ETV6: variants seen among roughly 807,000 people sequenced by gnomAD.
ETV6 encodes the protein transcription factor ETV6.
Under a neutral mutation model 51.1 loss-of-function variants are expected in ETV6, and 16 were observed. The observed-to-expected ratio is 0.31, with a 90% CI of 0.21 to 0.48. ETV6 has a LOEUF of 0.48. Ranked by LOEUF, ETV6 falls within the 20% of genes least tolerant of loss-of-function variation. ETV6 has a pLI of 0.99. For synonymous variants in ETV6, 240 were observed against 224.1 expected, an observed-to-expected ratio of 1.07 and a Z score of -0.64; for missense variants, 458 against 594.8, an observed-to-expected ratio of 0.77 and a Z score of 2.39.
intron 1 of ETV6, among the ~76,000 whole-genome samples, chr12:11,675,881 A>T (rs571409896): frequency 9.2e-5 from 14 of 152,086 alleles, no homozygotes; most frequent in African/African-American, 3.4e-4. Context: ...AAAGGAAGGG[A>T]GAGGGAGAAG....
chr12:11,842,395 C>G (rs946190429), intron 3 of ETV6, among the ~76,000 whole-genome samples: 2 of 146,740 alleles, frequency 1.4e-5, no homozygotes, highest in African/African-American at 5.3e-5. Flanking sequence ...CTGTCATGGC[C>G]CTTGACACAG....
intron 2 of ETV6, among the ~76,000 whole-genome samples, chr12:11,834,173 A>G (rs1296278258): frequency 6.6e-6 from 1 of 152,200 alleles, no homozygotes; most frequent in Non-Finnish European, 1.5e-5. Flanking sequence ...CAAGGACGTG[A>G]TAACTGTCCT....
In ETV6 at chr12:11,650,497, A is replaced by AAC. The variant is rs1268944877; in HGVS notation, c.33+338_33+339insCA. Reference sequence around the variant, plus strand: ...TAGTGCGCTTAAAAAAAAAAAAAACAAAAAACAAAAAAAAAAAACCTGCTC... The same window carrying AAC: ...TAGTGCGCTTAAAAAAAAAAAAAACAACAAAAACAAAAAAAAAAAACCTGCTC... On this transcript the variant is annotated intron_variant, in intron 1 of 7. Transcript: ENST00000396373. Among the ~76,000 whole-genome samples the AAC allele has an allele frequency of 4.2e-3, 291 of 69,112 alleles. 6 individuals carry two copies. Among genetic ancestry groups the AAC allele is most frequent in the South Asian group, 9.5e-3 (18 of 1,902 alleles). The allele number at this position is 69,112 out of a possible 152,430, so 45.3% of individuals were successfully genotyped here.
At chr12:11,749,709 T>C (rs1283905007) in intron 1 of ETV6, among the ~76,000 whole-genome samples, 5 of 152,162 alleles carry the variant, frequency 3.3e-5, no homozygotes, top group Non-Finnish European at 7.3e-5. Context: ...AAGGAGTCTC[T>C]GTAGTGTGGG....
intron 2 of ETV6, among the ~76,000 whole-genome samples, chr12:11,796,036 A>G (rs1224867971): frequency 6.6e-6 from 1 of 152,202 alleles, no homozygotes; most frequent in African/African-American, 2.4e-5. Flanking sequence ...CAGCAAATCC[A>G]TTCCCTCACT....
At chr12:11,786,600 T>C (rs576474759) in intron 2 of ETV6, among the ~76,000 whole-genome samples, 93 of 152,326 alleles carry the variant, frequency 6.1e-4, no homozygotes, top group Non-Finnish European at 1.1e-3. Context: ...TGAAGAGGAC[T>C]GCGTCAAGAG....
chr12:11,676,358 A>C (rs1360105751), intron 1 of ETV6, among the ~76,000 whole-genome samples: 1 of 152,146 alleles, frequency 6.6e-6, no homozygotes, highest in Non-Finnish European at 1.5e-5. Flanking sequence ...TTCCTAGACC[A>C]TTCCTTGCCC....
intron 5 of ETV6, among the ~76,000 whole-genome samples, chr12:11,876,564 A>G (rs924454011): frequency 2.0e-5 from 3 of 152,210 alleles, no homozygotes; most frequent in African/African-American, 7.2e-5. Context: ...CCTTGGCCTT[A>G]ATCCAAAACT....
intron 2 of ETV6, among the ~76,000 whole-genome samples, chr12:11,758,898 G>A (rs751949624): frequency 6.6e-6 from 1 of 152,198 alleles, no homozygotes; most frequent in Non-Finnish European, 1.5e-5. Flanking sequence ...TCTTTTGGGT[G>A]CCTTCACTTT....
chr12:11,805,825 T>C (rs998097832), intron 2 of ETV6, among the ~76,000 whole-genome samples: 3 of 152,362 alleles, frequency 2.0e-5, no homozygotes, highest in African/African-American at 7.2e-5. Context: ...AGCATCCGTG[T>C]CTGTGTTACC....
chr12:11,887,652 G>T (rs1413092880), intron 7 of ETV6, among the ~76,000 whole-genome samples: 3 of 151,706 alleles, frequency 2.0e-5, no homozygotes, highest in Non-Finnish European at 4.4e-5. Flanking sequence ...GGAGGCTGAG[G>T]CAGGAGAATC....
Position 11,814,488 on chromosome 12 carries a change from T to G in ETV6, c.164-24652T>G, listed in dbSNP as rs1388797417. Among the ~76,000 whole-genome samples, 6 of 152,120 alleles carry G rather than the reference T, an allele frequency of 3.9e-5. No individual in the cohort carries two copies. In the East Asian group the frequency reaches 1.2e-3, roughly 29 times the overall value. ...TCATAAATGTGTTCACCAAAGTGAG[T>G]GTGAGACAGATCACCCCAAACACTC... On this transcript the variant is annotated intron_variant, in intron 2 of 7. Transcript: ENST00000396373.
chr12:11,663,836 C>T (rs539403627), intron 1 of ETV6, among the ~76,000 whole-genome samples: 5 of 152,036 alleles, frequency 3.3e-5, no homozygotes, highest in Non-Finnish European at 4.4e-5. Context: ...GTGTTGTTTA[C>T]GTGCTTCTAT....
At chr12:11,662,090 G>C (rs1173560600) in intron 1 of ETV6, among the ~76,000 whole-genome samples, 2 of 152,146 alleles carry the variant, frequency 1.3e-5, no homozygotes, top group Non-Finnish European at 2.9e-5. Context: ...CACCTGTCTT[G>C]CATGTTCCCA....
intron 1 of ETV6, among the ~76,000 whole-genome samples, chr12:11,695,690 TTG>T (rs1243565769): frequency 6.6e-6 from 1 of 152,148 alleles, no homozygotes. Flanking sequence ...GTCCTTGTGT[TTG>T]TGTTTGTGTT....
At chr12:11,796,393 A>T (rs1316250122) in intron 2 of ETV6, among the ~76,000 whole-genome samples, 1 of 152,204 alleles carries the variant, frequency 6.6e-6, no homozygotes, top group Non-Finnish European at 1.5e-5. Flanking sequence ...GCCATTTATC[A>T]TTCCAACAGC....
At chr12:11,752,373 G>T in intron 1 of ETV6, 77 bp from the exon 2 acceptor site, 2 of 1,521,188 alleles carry the variant, frequency 1.3e-6, no homozygotes, top group South Asian at 2.5e-5. Flanking sequence ...TCCCCACCCC[G>T]AGATGGTCTC....
chr12:11,874,831 G>T (rs911876903), intron 5 of ETV6, among the ~76,000 whole-genome samples: 3 of 146,216 alleles, frequency 2.1e-5, no homozygotes, highest in African/African-American at 7.6e-5. Flanking sequence ...TCACTCATAG[G>T]TGGGAATTGA....
chr12:11,819,125 GGT>G (rs1946038510), intron 2 of ETV6, among the ~76,000 whole-genome samples: 1 of 152,096 alleles, frequency 6.6e-6, no homozygotes, highest in Non-Finnish European at 1.5e-5. Flanking sequence ...CCACAAATCT[GGT>G]TCCTCACAGC....
Sources: allele counts gnomAD v4.1 joint callset (sites outside exome capture counted in the v4.1 genomes callset), GRCh38; gene constraint gnomAD v4.1.1; transcripts MANE v1.5; gene names NCBI Gene and HGNC (gene_info 2026-07-23, HGNC 2026-07-21).